Variants in DMD observed in about 807,000 individuals in gnomAD.
The protein encoded by DMD is dystrophin, also known as mutant dystrophin.
A neutral mutation model predicts 330.1 loss-of-function variants in DMD; 63 were observed. The ratio of observed to expected loss-of-function variants is 0.19; its 90% confidence interval spans 0.16 to 0.24. DMD has a LOEUF of 0.24. Among genes scored for constraint, DMD ranks in the 10% least tolerant of loss-of-function variants. DMD has a pLI of 1.00. For synonymous variants in DMD, 1,223 were observed against 959.8 expected, an observed-to-expected ratio of 1.27 and a Z score of -5.07; for missense variants, 3,344 against 2,684.1, an observed-to-expected ratio of 1.25 and a Z score of -5.43.
intron 43 of DMD, among the ~76,000 whole-genome samples, chrX:32,232,745 T>A (rs2097173345): frequency 8.9e-6 from 1 of 112,125 alleles, no homozygotes; most frequent in Non-Finnish European, 1.9e-5. Context: ...TGTCTAAACC[T>A]GTAGGGGTTG....
At position 32,923,631 on chromosome X, in the gene DMD, A is replaced by G. The variant is rs1369907457; in HGVS notation, c.94-73811T>C. 3.6e-5 allele frequency among the ~76,000 whole-genome samples: 4 copies of G among 111,780 alleles called. No individual in the cohort carries two copies. The East Asian group carries it at 1.1e-3, about 31-fold the overall frequency. On this transcript the variant is annotated intron_variant, in intron 2 of 78. Coordinates refer to ENST00000357033, the MANE Select transcript of DMD (RefSeq NM_004006.3). ...CTATAGGTGTTAACGATAATTGCCT[A>G]TTGTCCTACATGGATGATTTTATTA...
chrX:32,930,384 G>A (rs906342836), intron 2 of DMD, among the ~76,000 whole-genome samples: 3 of 109,430 alleles, frequency 2.7e-5, no homozygotes, highest in Non-Finnish European at 3.8e-5. Context: ...TATATGATAC[G>A]GTATTATTAT....
intron 50 of DMD, among the ~76,000 whole-genome samples, chrX:31,815,173 G>A (rs1345212435): frequency 8.9e-6 from 1 of 112,252 alleles, no homozygotes; most frequent in Non-Finnish European, 1.9e-5. Context: ...GTCTTGGCTG[G>A]GCACAGTGGC....
chrX:33,180,769 T>C (rs1378378681), intron 1 of DMD, among the ~76,000 whole-genome samples: 1 of 110,886 alleles, frequency 9.0e-6, no homozygotes, highest in Admixed American at 9.6e-5. Context: ...TTTCATTTTC[T>C]ATTGGAATTG....
rs764991335 is a variant in DMD, at chrX:31,473,603, C to T, written c.8937+4503G>A. 4.5e-4 allele frequency among the ~76,000 whole-genome samples: 47 copies of T among 104,350 alleles called. 1 individual carries two copies. The highest frequency in any genetic ancestry group is 1.6e-3 in the African/African-American group (44 of 28,241). 90.6% of individuals were successfully genotyped at this position (104,350 alleles called of 115,157 possible). A position where few individuals can be genotyped will look rare whatever the true frequency, so the allele number is the denominator to read the frequency against. Reference sequence around the variant, plus strand: ...GGCGTGGTGGTGCGCGCCTGTAGTCCCAGCTACTCAGGAGGCTGAGGCAGG... The same window carrying T: ...GGCGTGGTGGTGCGCGCCTGTAGTCTCAGCTACTCAGGAGGCTGAGGCAGG... On this transcript the variant is annotated intron_variant, in intron 59 of 78. Coordinates refer to ENST00000357033, the MANE Select transcript of DMD (RefSeq NM_004006.3).
chrX:31,292,458 G>C (rs1322165717), intron 62 of DMD, among the ~76,000 whole-genome samples: 1 of 112,038 alleles, frequency 8.9e-6, no homozygotes, highest in Non-Finnish European at 1.9e-5. Context: ...AGACTAACAA[G>C]TATCAAGTAT....
rs144268621 is a variant in DMD, at chrX:32,934,778, C to T, written c.94-84958G>A. 6.6e-3 allele frequency among the ~76,000 whole-genome samples: 744 copies of T among 112,285 alleles called. 7 individuals carry two copies. The highest frequency in any genetic ancestry group is 0.023 in the African/African-American group (717 of 30,898). On this transcript the variant is annotated intron_variant, in intron 2 of 78. Transcript: ENST00000357033. ...AGTTCTTCACTCTTTTGTACCCCTC[C>T]CTCCATTTACCCAGGATTAACTACC...
At chrX:32,130,805 G>A (rs773684067) in intron 44 of DMD, among the ~76,000 whole-genome samples, 1 of 111,978 alleles carries the variant, frequency 8.9e-6, no homozygotes, top group East Asian at 2.8e-4. Context: ...TCTCTGTCTG[G>A]TGTTATGTCT....
At chrX:32,644,029 G>C in intron 11 of DMD, 103 bp downstream of exon 11, 1 of 715,634 alleles carries the variant, frequency 1.4e-6, no homozygotes, top group Non-Finnish European at 2.1e-6. Flanking sequence ...GTGTGCCTTG[G>C]GAACAAACTG....
At chrX:32,080,924 A>C (rs1324399111) in intron 44 of DMD, among the ~76,000 whole-genome samples, 1 of 112,233 alleles carries the variant, frequency 8.9e-6, no homozygotes, top group Non-Finnish European at 1.9e-5. Context: ...TCAATTGGGA[A>C]ACAGCTCTAT....
intron 16 of DMD, among the ~76,000 whole-genome samples, chrX:32,554,398 G>A (rs1171367027): frequency 9.1e-6 from 1 of 110,452 alleles, no homozygotes; most frequent in Non-Finnish European, 1.9e-5. Context: ...AAAGAGAGAA[G>A]AATCAAATAA....
intron 1 of DMD, among the ~76,000 whole-genome samples, chrX:33,206,116 A>C (rs2051559167): frequency 9.0e-6 from 1 of 111,700 alleles, no homozygotes; most frequent in Non-Finnish European, 1.9e-5. Flanking sequence ...AACTAAACTA[A>C]AATGAATAAT....
At chrX:33,311,181 G>A (rs895654264) in intron 1 of DMD, among the ~76,000 whole-genome samples, 12 of 108,770 alleles carry the variant, frequency 1.1e-4, no homozygotes, top group African/African-American at 4.0e-4. Context: ...ATACACATAT[G>A]TATGCATACA....
intron 44 of DMD, among the ~76,000 whole-genome samples, chrX:32,052,456 A>T (rs773567112): frequency 2.9e-4 from 32 of 111,148 alleles, no homozygotes; most frequent in Non-Finnish European, 5.1e-4. Context: ...ACTTCGAGTG[A>T]CCCATATTTT....
rs146967300 is a variant in DMD, at chrX:32,722,858, G to A, written c.650-23565C>T. On this transcript the variant is annotated intron_variant, in intron 7 of 78. Coordinates refer to ENST00000357033, the MANE Select transcript of DMD (RefSeq NM_004006.3). ...AGTCCTTAGGGGTTTCTACATATAC[G>A]ATCATACCATTTGCAAACAGAAATA... Among the ~76,000 whole-genome samples the A allele has an allele frequency of 5.5e-4, 61 of 110,343 alleles. 1 individual carries two copies. In the East Asian group the frequency reaches 0.016, roughly 29 times the overall value.
In DMD at chrX:33,019,261, T is replaced by C. The variant is rs757154947; in HGVS notation, c.93+878A>G. 8.1e-5 allele frequency among the ~76,000 whole-genome samples: 9 copies of C among 111,411 alleles called. No homozygotes were observed. In the East Asian group the frequency reaches 2.5e-3, roughly 31 times the overall value. On this transcript the variant is annotated intron_variant, in intron 2 of 78. Coordinates refer to ENST00000357033, the MANE Select transcript of DMD (RefSeq NM_004006.3). ...TTAGTGACTCTTTAAATCATTACAA[T>C]AAGAAACAAAATATCCACTATCAAA...
Position 31,121,438 on chromosome X carries a change from G to GTGTA in DMD, c.*477_*480dup, listed in dbSNP as rs3833413. The GTGTA allele has an allele frequency of 0.2, 25,922 of 128,455 alleles. 2,137 individuals are homozygous for GTGTA. Among genetic ancestry groups the GTGTA allele is most frequent in the African/African-American group, 0.36 (9,822 of 27,258 alleles). 10.6% of individuals were successfully genotyped at this position (128,455 alleles called of 1,213,427 possible). A position where few individuals can be genotyped will look rare whatever the true frequency, so the allele number is the denominator to read the frequency against. Reference sequence around the variant, plus strand: ...CTGCCTCAAAGTTTTGTGTGTGTGTGTGTATGTGTGTGTGTGTGTGTTTGT... The same window carrying GTGTA: ...CTGCCTCAAAGTTTTGTGTGTGTGTGTGTATGTATGTGTGTGTGTGTGTGTTTGT... On this transcript the variant is annotated 3_prime_UTR_variant, in exon 79 of 79. Transcript: ENST00000357033.
chrX:31,760,583 T>C, intron 51 of DMD, among the ~76,000 whole-genome samples: 1 of 111,943 alleles, frequency 8.9e-6, no homozygotes, highest in East Asian at 2.8e-4. Context: ...CCATACAACC[T>C]AGATGTATAG....
intron 29 of DMD, among the ~76,000 whole-genome samples, chrX:32,428,321 G>T (rs757399300): frequency 9.0e-6 from 1 of 111,652 alleles, no homozygotes; most frequent in East Asian, 2.8e-4. Context: ...ATTGATTCTA[G>T]CTTGTTACAA....
Sources: allele counts gnomAD v4.1 joint callset (sites outside exome capture counted in the v4.1 genomes callset), GRCh38; gene constraint gnomAD v4.1.1; transcripts MANE v1.5; gene names NCBI Gene and HGNC (gene_info 2026-07-23, HGNC 2026-07-21).